NCOA1: variants seen among roughly 807,000 people sequenced by gnomAD.
NCOA1 encodes nuclear receptor coactivator 1.
A neutral mutation model predicts 150.9 loss-of-function variants in NCOA1; 35 were observed. That is an observed-to-expected ratio of 0.23 (90% CI 0.18 to 0.31). The LOEUF (loss-of-function observed/expected upper bound fraction) is 0.31, where lower values mean the gene tolerates loss of function less well. Ranked by LOEUF, NCOA1 falls within the 10% of genes least tolerant of loss-of-function variation. The pLI is 1.00. For synonymous variants in NCOA1, 590 were observed against 630.0 expected (o/e 0.94, Z 0.95); for missense variants, 1,491 against 1,749.3 (o/e 0.85, Z 2.63).
At chr2:24,519,751 C>T (rs987737408) in intron 1 of NCOA1, among the ~76,000 whole-genome samples, 1 of 151,654 alleles carries the variant, frequency 6.6e-6, no homozygotes, top group African/African-American at 2.4e-5. Context: ...TGTTTGTGCC[C>T]AGAAGTTGGA....
intron 22 of NCOA1, among the ~76,000 whole-genome samples, chr2:24,765,531 T>A (rs1665020457): frequency 2.7e-5 from 4 of 148,316 alleles, no homozygotes; most frequent in Admixed American, 2.0e-4. Context: ...AAATGAAGAG[T>A]CTTCATTCAC....
chr2:24,696,825 T>G (rs974478264), intron 10 of NCOA1, among the ~76,000 whole-genome samples: 1 of 152,066 alleles, frequency 6.6e-6, no homozygotes, highest in African/African-American at 2.4e-5. Flanking sequence ...TAACGTCAAG[T>G]TCTGAAGTTG....
chr2:24,714,295 C>A (rs1025655947), intron 14 of NCOA1, among the ~76,000 whole-genome samples: 1 of 152,118 alleles, frequency 6.6e-6, no homozygotes, highest in Non-Finnish European at 1.5e-5. Flanking sequence ...GCATTATATT[C>A]ATAATTTCCA....
intron 20 of NCOA1, among the ~76,000 whole-genome samples, chr2:24,753,369 GAA>G (rs369636824): frequency 6.8e-6 from 1 of 146,124 alleles, no homozygotes; most frequent in African/African-American, 2.5e-5. Flanking sequence ...ATGGCTTGGG[GAA>G]AAAAAAAAAC....
At chr2:24,627,324 ACTACT>A (rs1411009649) in intron 3 of NCOA1, among the ~76,000 whole-genome samples, 1 of 152,038 alleles carries the variant, frequency 6.6e-6, no homozygotes, top group Non-Finnish European at 1.5e-5. Flanking sequence ...GATGCTGGTC[ACTACT>A]CTACTTTAAA....
chr2:24,526,198 T>C (rs570016875), intron 1 of NCOA1, among the ~76,000 whole-genome samples: 1 of 152,204 alleles, frequency 6.6e-6, no homozygotes, highest in East Asian at 1.9e-4. Flanking sequence ...GATGTGGTTC[T>C]AGTGGTTCAG....
At chr2:24,526,110 CTT>C (rs1664640843) in intron 1 of NCOA1, among the ~76,000 whole-genome samples, 2 of 152,210 alleles carry the variant, frequency 1.3e-5, no homozygotes, top group African/African-American at 2.4e-5. Flanking sequence ...TTTTCAGACT[CTT>C]TTGGAAATCC....
intron 10 of NCOA1, among the ~76,000 whole-genome samples, chr2:24,694,745 A>G (rs575284474): frequency 1.3e-5 from 2 of 152,236 alleles, no homozygotes; most frequent in South Asian, 4.1e-4. Flanking sequence ...CTCTACCATG[A>G]ACAACACTGG....
chr2:24,537,482 ATG>A (rs199844769), intron 1 of NCOA1, among the ~76,000 whole-genome samples: 15 of 150,280 alleles, frequency 1.0e-4, no homozygotes, highest in African/African-American at 1.7e-4. Flanking sequence ...TAATATATGT[ATG>A]TGTGTGTGTG....
intron 3 of NCOA1, among the ~76,000 whole-genome samples, chr2:24,637,328 A>G (rs974752202): frequency 6.8e-6 from 1 of 148,092 alleles, no homozygotes; most frequent in African/African-American, 2.5e-5. Flanking sequence ...TGACCCAGCC[A>G]TCCCATTACT....
chr2:24,556,996 ATTG>A (rs1339611544), intron 1 of NCOA1, among the ~76,000 whole-genome samples: 7 of 150,940 alleles, frequency 4.6e-5, no homozygotes, highest in African/African-American at 1.7e-4. Flanking sequence ...CAGATAATTC[ATTG>A]TTGTTGTTGG....
rs778368251 is a variant in NCOA1, at chr2:24,673,406, C to T, written c.297C>T (p.Ile99=). 1.8e-5 allele frequency: 29 copies of T among 1,589,502 alleles called. No individual in the cohort carries two copies. The highest frequency in any genetic ancestry group is 2.5e-5 in the Non-Finnish European group (29 of 1,171,756). The change falls in exon 7 of 23, where the codon ATC becomes ATT. Residue 99 remains isoleucine, a synonymous_variant. Coordinates refer to ENST00000348332, the MANE Select transcript of NCOA1 (RefSeq NM_003743.5). ...TTDDDVQKSD[I]SSSSQGVIEK... ...ATGACGATGTACAGAAATCAGACAT[C>T]TCATCAAGTAGTCAAGGAGTGATAG...
chr2:24,551,970 T>G (rs927279602), intron 1 of NCOA1, among the ~76,000 whole-genome samples: 5 of 152,164 alleles, frequency 3.3e-5, no homozygotes, highest in Non-Finnish European at 5.9e-5. Context: ...ATATGTAGAT[T>G]TATTTCTGGA....
chr2:24,667,732 A>G (rs1350687635), intron 6 of NCOA1, among the ~76,000 whole-genome samples: 1 of 151,990 alleles, frequency 6.6e-6, no homozygotes, highest in African/African-American at 2.4e-5. Context: ...TGGCAGGCAC[A>G]CTCTGCCCCT....
At chr2:24,757,190 C>A (rs191373066) in intron 20 of NCOA1, among the ~76,000 whole-genome samples, 14 of 152,294 alleles carry the variant, frequency 9.2e-5, no homozygotes, top group Non-Finnish European at 1.2e-4. Flanking sequence ...TCTATACCCA[C>A]CCCTGGAAAA....
chr2:24,707,208 G>C lies in NCOA1; in HGVS notation c.1738G>C (p.Ala580Pro). 6.2e-7 allele frequency: 1 copy of C among 1,614,162 alleles called. No individual in the cohort carries two copies. Among genetic ancestry groups the C allele is most frequent in the Non-Finnish European group, 8.5e-7 (1 of 1,180,036 alleles). The part of the protein sequence containing the change: ...PSRLNIQPAK[A>P]ESKDNKEIAS... The stretch of plus-strand genomic sequence containing the variant: ...CAGATTAAATATACAACCAGCAAAA[G>C]CTGAGTCCAAAGATAACAAAGAGAT... The change falls in exon 13 of 23, where the codon GCT becomes CCT. Residue 580 changes from alanine (A) to proline (P), a missense_variant. Ala to Pro is a conservative substitution (Grantham distance 27). Coordinates refer to ENST00000348332, the MANE Select transcript of NCOA1 (RefSeq NM_003743.5).
At chr2:24,646,391 C>A (rs1670476292) in intron 4 of NCOA1, among the ~76,000 whole-genome samples, 1 of 152,108 alleles carries the variant, frequency 6.6e-6, no homozygotes, top group East Asian at 1.9e-4. Flanking sequence ...ATATAATAAT[C>A]AATTCAGGAA....
chr2:24,508,726 G>C (rs990767830), intron 1 of NCOA1, among the ~76,000 whole-genome samples: 1 of 151,952 alleles, frequency 6.6e-6, no homozygotes, highest in African/African-American at 2.4e-5. Context: ...ATGTTGCTCT[G>C]CCCTCTCTAT....
At chr2:24,582,501 A>G (rs1667234908) in intron 2 of NCOA1, among the ~76,000 whole-genome samples, 1 of 152,214 alleles carries the variant, frequency 6.6e-6, no homozygotes, top group African/African-American at 2.4e-5. Context: ...ATCAACAAAG[A>G]GCTAATATTG....
Sources: allele counts gnomAD v4.1 joint callset (sites outside exome capture counted in the v4.1 genomes callset), GRCh38; gene constraint gnomAD v4.1.1; transcripts MANE v1.5; gene names NCBI Gene and HGNC (gene_info 2026-07-23, HGNC 2026-07-21).